CYB5R3: variants seen among roughly 807,000 people sequenced by gnomAD.
The protein encoded by CYB5R3 is NADH-cytochrome b5 reductase 3.
In CYB5R3, 28 loss-of-function variants were observed where a neutral mutation model predicts 36.5. The ratio of observed to expected loss-of-function variants is 0.77; its 90% CI spans 0.57 to 1.05. The LOEUF is 1.05. Ranked by LOEUF, CYB5R3 falls within the 50% of genes least tolerant of loss-of-function variation. The probability of loss-of-function intolerance (pLI) is 0.00; values close to 1 mark genes in which losing one functional copy is unlikely to be tolerated. For missense variants in CYB5R3, 474 were observed against 408.9 expected (o/e 1.16, Z -1.37); for synonymous variants, 181 against 159.8 (o/e 1.13, Z -1.00).
intron 2 of CYB5R3, among the ~76,000 whole-genome samples, chr22:42,635,003 G>T (rs1422237474): frequency 9.8e-6 from 1 of 102,272 alleles, no homozygotes; most frequent in Non-Finnish European, 2.0e-5. Context: ...ACGGAGTCTT[G>T]CTGTCACCCA....
In CYB5R3 at chr22:42,619,437, T is replaced by G; in HGVS notation, c.*336A>C. 6.4e-6 allele frequency: 2 copies of G among 311,366 alleles called. No homozygotes were observed. Among genetic ancestry groups the G allele is most frequent in the East Asian group, 1.2e-4 (2 of 16,226 alleles). The allele number at this position is 311,366 out of a possible 1,614,324, so 19.3% of individuals were successfully genotyped here. On this transcript the variant is annotated 3_prime_UTR_variant, in exon 9 of 9. Coordinates refer to ENST00000352397, the MANE Select transcript of CYB5R3 (RefSeq NM_000398.7). ...CCCGACTATGGTCCACGGCCGGGAA[T>G]GGTGGGCAGACGGGGCTGCTGGCAG...
intron 2 of CYB5R3, chr22:42,632,875 T>A (rs970072863): frequency 1.3e-5 from 2 of 151,646 alleles, no homozygotes; most frequent in Admixed American, 6.6e-5. Context: ...AAAACTACAA[T>A]GTTAGCCAGG....
At chr22:42,643,668 AGCT>A (rs1929397455) in intron 1 of CYB5R3, among the ~76,000 whole-genome samples, 2 of 152,212 alleles carry the variant, frequency 1.3e-5, no homozygotes, top group African/African-American at 4.8e-5. Flanking sequence ...AGGGCCACCC[AGCT>A]GGGGTCTCTG....
intron 5 of CYB5R3, 69 bp from the exon 6 acceptor site, chr22:42,627,757 A>G (rs1018966116): frequency 4.1e-6 from 5 of 1,208,064 alleles, no homozygotes; most frequent in Non-Finnish European, 6.2e-6. Context: ...GAGGCTGGAG[A>G]GGGGGCTGGA....
At chr22:42,644,569 G>A in intron 1 of CYB5R3, 1 of 1,526,804 alleles carries the variant, frequency 6.5e-7, no homozygotes, top group Non-Finnish European at 8.8e-7. Context: ...TAGCTAACCA[G>A]GCCCTTGGTA....
Position 42,619,482 on chromosome 22 carries a change from TG to T in CYB5R3, c.*290del, listed in dbSNP as rs1339165417. The stretch of plus-strand genomic sequence containing the variant: ...TGGCAGCCCTCAGCCTTATAGTGTG[TG>T]TGGGGGGTGGACGAGGGGTCATGAG... On this transcript the variant is annotated 3_prime_UTR_variant, in exon 9 of 9. Coordinates refer to ENST00000352397, the MANE Select transcript of CYB5R3 (RefSeq NM_000398.7). The T allele has an allele frequency of 2.1e-5, 10 of 476,096 alleles. No homozygotes were observed. Among genetic ancestry groups the T allele is most frequent in the Admixed American group, 3.4e-5 (1 of 29,746 alleles). 29.5% of individuals were successfully genotyped at this position (476,096 alleles called of 1,614,324 possible).
intron 2 of CYB5R3, among the ~76,000 whole-genome samples, chr22:42,634,101 G>A (rs538397232): frequency 5.3e-5 from 8 of 151,674 alleles, no homozygotes; most frequent in African/African-American, 1.2e-4. Flanking sequence ...CCTGTAATTC[G>A]AGCACTTTGA....
intron 1 of CYB5R3, among the ~76,000 whole-genome samples, chr22:42,637,557 G>T (rs1366445944): frequency 6.6e-6 from 1 of 152,152 alleles, no homozygotes; most frequent in Non-Finnish European, 1.5e-5. Flanking sequence ...GCACTGGGAA[G>T]GTCACTGGCT....
At chr22:42,627,717 C>A in intron 5 of CYB5R3, 29 bp from the exon 6 acceptor site, 1 of 1,527,532 alleles carries the variant, frequency 6.5e-7, no homozygotes, top group Non-Finnish European at 9.1e-7. Context: ...TGAGGCCCGG[C>A]CATCAAACAT....
At chr22:42,648,611 G>A (rs1929632187) in intron 1 of CYB5R3, among the ~76,000 whole-genome samples, 1 of 152,194 alleles carries the variant, frequency 6.6e-6, no homozygotes, top group South Asian at 2.1e-4. Flanking sequence ...GTGAAATGGG[G>A]CAAACAGCAC....
chr22:42,643,918 G>A (rs1442800917), intron 1 of CYB5R3, among the ~76,000 whole-genome samples: 2 of 152,100 alleles, frequency 1.3e-5, no homozygotes, highest in African/African-American at 2.4e-5. Flanking sequence ...AGTAGGGGCC[G>A]CGGGTTTCCT....
intron 7 of CYB5R3, among the ~76,000 whole-genome samples, chr22:42,626,284 T>G (rs1230375260): frequency 2.0e-5 from 3 of 152,200 alleles, no homozygotes; most frequent in Non-Finnish European, 2.9e-5. Context: ...CACTCCAGCC[T>G]GAGGGACAAG....
chr22:42,646,364 G>A (rs1452779574), intron 1 of CYB5R3, among the ~76,000 whole-genome samples: 1 of 152,138 alleles, frequency 6.6e-6, no homozygotes, highest in Non-Finnish European at 1.5e-5. Flanking sequence ...ATAACACAGA[G>A]GGGAAGAGGG....
At chr22:42,620,004 C>T in intron 8 of CYB5R3, 59 bp from the exon 9 acceptor site, 2 of 1,481,120 alleles carry the variant, frequency 1.4e-6, no homozygotes, top group South Asian at 1.2e-5. Context: ...AACCTGCTGA[C>T]CGACCAACCC....
chr22:42,619,977 G>A (rs368782453), intron 8 of CYB5R3, 32 bp from the exon 9 acceptor site: 7 of 1,567,188 alleles, frequency 4.5e-6, no homozygotes, highest in Non-Finnish European at 6.1e-6. Context: ...AAGCTGACGT[G>A]TGGCTGTGTG....
intron 1 of CYB5R3, chr22:42,646,825 T>C (rs1929561259): frequency 1.0e-6 from 1 of 985,526 alleles, no homozygotes; most frequent in Non-Finnish European, 1.2e-6. Flanking sequence ...AGAGCTGGGA[T>C]CTGGGCCGCA....
At chr22:42,624,035 C>A in intron 7 of CYB5R3, 147 bp from the exon 8 acceptor site, 1 of 708,418 alleles carries the variant, frequency 1.4e-6, no homozygotes, top group Non-Finnish European at 2.5e-6. Context: ...AGAGATCACC[C>A]TGGCACCCCT....
At chr22:42,646,241 A>T (rs1929531470) in intron 1 of CYB5R3, among the ~76,000 whole-genome samples, 2 of 151,670 alleles carry the variant, frequency 1.3e-5, no homozygotes. Context: ...AGACCACCTC[A>T]CCCCAGCCAC....
chr22:42,640,179 G>A, intron 1 of CYB5R3: 1 of 1,612,148 alleles, frequency 6.2e-7, no homozygotes, highest in Non-Finnish European at 8.5e-7. Context: ...CCGTGGTGTA[G>A]TACCAAAATG....
Sources: allele counts gnomAD v4.1 joint callset (sites outside exome capture counted in the v4.1 genomes callset), GRCh38; gene constraint gnomAD v4.1.1; transcripts MANE v1.5; gene names NCBI Gene and HGNC (gene_info 2026-07-23, HGNC 2026-07-21).